The following VEPH1 variants were observed in gnomAD, a reference collection of about 807,000 sequenced individuals.
The protein encoded by VEPH1 is ventricular zone expressed PH domain containing 1.
In VEPH1, 80 loss-of-function variants were observed where a neutral mutation model predicts 85.2. The ratio of observed to expected loss-of-function variants is 0.94; its 90% CI spans 0.78 to 1.13. The LOEUF (loss-of-function observed/expected upper bound fraction) is 1.13. Among genes scored for constraint, VEPH1 ranks in the 50% most tolerant of loss-of-function variants. The pLI is 0.00. For synonymous variants in VEPH1, 297 were observed against 348.0 expected (o/e 0.85, Z 1.63); for missense variants, 955 against 980.5 (o/e 0.97, Z 0.35).
intron 9 of VEPH1, among the ~76,000 whole-genome samples, chr3:157,335,171 GT>G (rs1236076096): frequency 2.6e-5 from 4 of 151,658 alleles, no homozygotes; most frequent in Non-Finnish European, 4.4e-5. Flanking sequence ...ATTGGGAGGT[GT>G]TTTTTTCTTT....
chr3:157,326,384 G>A (rs10936081), intron 9 of VEPH1, among the ~76,000 whole-genome samples: 33,947 of 152,148 alleles, frequency 0.22, 4,628 homozygotes, highest in Admixed American at 0.41. Flanking sequence ...ACAGTTATAG[G>A]AGTACCAAAA....
intron 11 of VEPH1, among the ~76,000 whole-genome samples, chr3:157,303,557 C>T (rs745357289): frequency 1.3e-5 from 2 of 152,136 alleles, no homozygotes; most frequent in Admixed American, 6.5e-5. Flanking sequence ...AAAAAGCCTC[C>T]GAACTCTGTA....
intron 7 of VEPH1, among the ~76,000 whole-genome samples, chr3:157,367,570 A>G (rs920052509): frequency 6.6e-6 from 1 of 152,222 alleles, no homozygotes; most frequent in African/African-American, 2.4e-5. Context: ...TTTATTTCAA[A>G]TATTTCTATA....
At chr3:157,485,735 T>TA (rs1321863069) in intron 2 of VEPH1, among the ~76,000 whole-genome samples, 26 of 152,130 alleles carry the variant, frequency 1.7e-4, no homozygotes, top group Middle Eastern at 3.4e-3. Flanking sequence ...TTTGATTATT[T>TA]AAAAAATCTA....
chr3:157,364,411 T>C lies in VEPH1; in HGVS notation c.1229A>G (p.Gln410Arg), dbSNP rs759356110. The change falls in exon 8 of 14, where the codon CAG (glutamine) becomes CGG (arginine). Residue 410 changes from glutamine (Q) to arginine (R), a missense_variant. Physicochemically the swap from Gln to Arg is conservative, Grantham distance 43 (BLOSUM62 1). Coordinates refer to ENST00000362010, the MANE Select transcript of VEPH1 (RefSeq NM_001167912.2). ...TGCATTTATCTTGTCTTCAAAAGCC[T>C]GGATTTTAACTTGGAGTTTTTCATG... Reference protein sequence around the residue: ...EDHEKLQVKIQAFEDKINAGS... With the variant: ...EDHEKLQVKIRAFEDKINAGS... The C allele has an allele frequency of 1.9e-6, 3 of 1,614,050 alleles. No individual in the cohort carries two copies. The highest frequency in any genetic ancestry group is 2.5e-6 in the Non-Finnish European group (3 of 1,179,958).
chr3:157,325,272 T>C (rs925913945), intron 9 of VEPH1, among the ~76,000 whole-genome samples: 6 of 152,204 alleles, frequency 3.9e-5, no homozygotes, highest in African/African-American at 1.4e-4. Context: ...GCAAAAATTT[T>C]CTCCCATTCT....
chr3:157,270,600 TATA>T (rs1714419641), intron 12 of VEPH1, among the ~76,000 whole-genome samples: 1 of 152,110 alleles, frequency 6.6e-6, no homozygotes, highest in South Asian at 2.1e-4. Context: ...GATGAGTAAG[TATA>T]ATAATAACAG....
chr3:157,268,259 C>G (rs972795572), intron 12 of VEPH1, among the ~76,000 whole-genome samples: 1 of 152,082 alleles, frequency 6.6e-6, no homozygotes, highest in Non-Finnish European at 1.5e-5. Flanking sequence ...TCCTTGAGAT[C>G]AGGAACAGCC....
intron 4 of VEPH1, among the ~76,000 whole-genome samples, chr3:157,453,082 G>A (rs1735103145): frequency 6.6e-6 from 1 of 152,196 alleles, no homozygotes; most frequent in Non-Finnish European, 1.5e-5. Context: ...GAAAAAAAGA[G>A]GCTGGATGTG....
At chr3:157,472,035 C>G (rs1017068056) in intron 2 of VEPH1, among the ~76,000 whole-genome samples, 1 of 152,168 alleles carries the variant, frequency 6.6e-6, no homozygotes, top group South Asian at 2.1e-4. Context: ...GTTCCTCATC[C>G]GTCCCAGTCC....
At chr3:157,383,049 G>C (rs722485) in intron 6 of VEPH1, among the ~76,000 whole-genome samples, 71,926 of 151,778 alleles carry the variant, frequency 0.47, 17,373 homozygotes, top group Admixed American at 0.6. Flanking sequence ...TGTTGCCCAG[G>C]CTGGCCTGGG....
At chr3:157,341,545 C>A (rs1391224433) in intron 9 of VEPH1, among the ~76,000 whole-genome samples, 1 of 142,078 alleles carries the variant, frequency 7.0e-6, no homozygotes, top group Non-Finnish European at 1.6e-5. Context: ...AAATCTATGT[C>A]TGATTGGTGT....
At chr3:157,371,785 T>C (rs1257823346) in intron 7 of VEPH1, among the ~76,000 whole-genome samples, 1 of 152,198 alleles carries the variant, frequency 6.6e-6, no homozygotes, top group Non-Finnish European at 1.5e-5. Flanking sequence ...CCTTTTATCC[T>C]TTTGGGGATA....
chr3:157,261,238 T>TA lies in VEPH1; in HGVS notation c.2397dup (p.Lys800Ter). ...TCTGCATTCTTCTCATCCTTGGCCT[T>TA]AAAGACATAGGTTTTATTGTCTGTG... On this transcript the variant is annotated frameshift_variant, in exon 14 of 14. Transcript: ENST00000362010. LOFTEE classifies it high-confidence loss of function. The TA allele has an allele frequency of 6.2e-7, 1 of 1,613,828 alleles. No homozygotes were observed.
intron 9 of VEPH1, among the ~76,000 whole-genome samples, chr3:157,321,165 C>A (rs528106868): frequency 1.1e-3 from 162 of 152,090 alleles, no homozygotes; most frequent in African/African-American, 3.7e-3. Flanking sequence ...ATTTTGAATT[C>A]TTTACAAAAC....
At position 157,320,790 on chromosome 3, in the gene VEPH1, A is replaced by G. The variant is rs576869957; in HGVS notation, c.1736-3589T>C. On this transcript the variant is annotated intron_variant, in intron 9 of 13. Transcript: ENST00000362010. ...TATATTACACAGATAAATAAATTTA[A>G]AGACATGATACAAAAATACAAGAAT... Among the ~76,000 whole-genome samples the G allele has an allele frequency of 3.3e-5, 5 of 152,292 alleles. No homozygotes were observed. In the South Asian group the frequency reaches 1.0e-3, roughly 32 times the overall value.
intron 6 of VEPH1, among the ~76,000 whole-genome samples, chr3:157,387,665 G>A (rs1729442313): frequency 1.3e-5 from 2 of 152,286 alleles, no homozygotes; most frequent in South Asian, 2.1e-4. Flanking sequence ...GAACCCAGAA[G>A]TTTCCTGATG....
At chr3:157,289,760 G>T (rs1717244099) in intron 11 of VEPH1, among the ~76,000 whole-genome samples, 1 of 152,134 alleles carries the variant, frequency 6.6e-6, no homozygotes, top group Non-Finnish European at 1.5e-5. Context: ...AAATAGATTT[G>T]TTTAGAGAAT....
In VEPH1 at chr3:157,495,303, C is replaced by T. The variant is rs767571715; in HGVS notation, c.47G>A (p.Arg16Gln). Reference protein sequence around the residue: ...RLVLGQKDLSRAGDLFSLDDS... With the variant: ...RLVLGQKDLSQAGDLFSLDDS... The stretch of plus-strand genomic sequence containing the variant: ...ATCTAAGGAGAAGAGGTCCCCAGCT[C>T]GTGAAAGATCTTTTTGTCCCAAAAC... Residue 16 changes from arginine to glutamine, a missense_variant, in exon 2 of 14, where the codon CGA (arginine) becomes CAA (glutamine). Arg to Gln is a conservative substitution (Grantham distance 43). Coordinates refer to ENST00000362010, the MANE Select transcript of VEPH1 (RefSeq NM_001167912.2). 2.6e-5 allele frequency: 42 copies of T among 1,613,854 alleles called. No homozygotes were observed. The highest frequency in any genetic ancestry group is 3.3e-4 in the Middle Eastern group (2 of 6,084).
Sources: gnomAD v4.1 joint callset for allele counts (sites outside exome capture counted in the v4.1 genomes callset) on GRCh38, gnomAD v4.1.1 for gene constraint, MANE v1.5 for transcripts, NCBI Gene and HGNC (gene_info 2026-07-23, HGNC 2026-07-21) for gene names.